Variants in DCAKD observed in about 807,000 individuals in gnomAD.
DCAKD encodes the protein dephospho-CoA kinase domain-containing protein.
In DCAKD, 15 loss-of-function variants were observed where a neutral mutation model predicts 18.7. The observed-to-expected ratio is 0.80, with a 90% CI of 0.54 to 1.24. The LOEUF is 1.24. DCAKD is among the 50% of genes most tolerant of loss of function. The probability of loss-of-function intolerance (pLI) is 0.00; values close to 1 mark genes in which losing one functional copy is unlikely to be tolerated. For missense variants in DCAKD, 301 were observed against 322.0 expected (o/e 0.93, Z 0.50); for synonymous variants, 130 against 133.0 (o/e 0.98, Z 0.16).
Position 45,042,848 on chromosome 17 carries a change from T to C in DCAKD, c.-114-7849A>G, listed in dbSNP as rs568824345. Among the ~76,000 whole-genome samples, 439 of 152,274 alleles carry C rather than the reference T, an allele frequency of 2.9e-3. 1 individual carries two copies. Among genetic ancestry groups the C allele is most frequent in the Middle Eastern group, 6.8e-3 (2 of 294 alleles). On this transcript the variant is annotated intron_variant, in intron 1 of 4. Coordinates refer to ENST00000651974, the MANE Select transcript of DCAKD (RefSeq NM_001288655.2). ...AGAGCCACAAGGAAAGGAGCTGGCG[T>C]CTGCCTCCCTCTGTGTCCTCCCTGC...
chr17:45,028,362 G>A (rs140777775), intron 4 of DCAKD, among the ~76,000 whole-genome samples: 2,350 of 151,182 alleles, frequency 0.016, 58 homozygotes, highest in South Asian at 0.071. Context: ...CGCCCACCTC[G>A]GCCTCCCAAA....
At chr17:45,034,641 G>A in intron 2 of DCAKD, 133 bp downstream of exon 2, 1 of 1,044,582 alleles carries the variant, frequency 9.6e-7, no homozygotes, top group Non-Finnish European at 1.4e-6. Flanking sequence ...GCACGGGGCA[G>A]AGACAGAAGT....
intron 3 of DCAKD, among the ~76,000 whole-genome samples, chr17:45,033,326 T>C (rs962583878): frequency 6.6e-6 from 1 of 152,204 alleles, no homozygotes; most frequent in African/African-American, 2.4e-5. Flanking sequence ...TCTTGGTCCC[T>C]TCCCAATTTC....
At chr17:45,050,738 T>C (rs1389703425) in intron 1 of DCAKD, among the ~76,000 whole-genome samples, 1 of 151,642 alleles carries the variant, frequency 6.6e-6, no homozygotes. Flanking sequence ...TTCCATTTCC[T>C]CACCGTTAGA....
At chr17:45,057,408 G>A (rs139904788) in intron 1 of DCAKD, among the ~76,000 whole-genome samples, 44 of 151,700 alleles carry the variant, frequency 2.9e-4, no homozygotes, top group East Asian at 2.2e-3. Flanking sequence ...TTGTTTCAAA[G>A]TGGAAAGCTC....
intron 1 of DCAKD, 97 bp from the exon 2 acceptor site, chr17:45,035,096 G>T: frequency 1.8e-6 from 1 of 555,980 alleles, no homozygotes; most frequent in East Asian, 3.1e-5. Flanking sequence ...GGCTGGGGAG[G>T]GACATGTCCT....
chr17:45,049,102 G>A (rs909269748), intron 1 of DCAKD, among the ~76,000 whole-genome samples: 2 of 151,584 alleles, frequency 1.3e-5, no homozygotes, highest in Admixed American at 1.3e-4. Flanking sequence ...TATTACATTA[G>A]AAAAAACTTC....
intron 1 of DCAKD, among the ~76,000 whole-genome samples, chr17:45,045,433 C>T (rs1229843868): frequency 6.6e-6 from 1 of 152,132 alleles, no homozygotes; most frequent in Non-Finnish European, 1.5e-5. Flanking sequence ...CAAATAGGCC[C>T]TTAAAAGATA....
chr17:45,024,457 G>C lies in DCAKD; in HGVS notation c.672C>G (p.Thr224=). 6.2e-7 allele frequency: 1 copy of C among 1,610,554 alleles called. No homozygotes were observed. Among genetic ancestry groups the C allele is most frequent in the Non-Finnish European group, 8.5e-7 (1 of 1,177,070 alleles). Residue 224 remains threonine, a synonymous_variant, in exon 5 of 5, where the codon ACC becomes ACG. Transcript: ENST00000651974. The stretch of plus-strand genomic sequence containing the variant: ...ACTAGGCGTAAGGCAGAAGGTAGTG[G>C]GTGAGCAGGTAGAGGAGGCTGGCAA... ...AAIASLLYLL[T]HYLLPYA
At position 45,024,634 on chromosome 17, in the gene DCAKD, C is replaced by T. The variant is rs777109661; in HGVS notation, c.495G>A (p.Leu165=). ...AEARINAQLP[L]TDKARMARHV... The stretch of plus-strand genomic sequence containing the variant: ...GGCGGGCCATGCGGGCCTTGTCTGT[C>T]AGGGGCAGCTGGGCATTGATGCGGG... Residue 165 remains leucine (L), a synonymous_variant, in exon 5 of 5, where the codon CTG becomes CTA. Coordinates refer to ENST00000651974, the MANE Select transcript of DCAKD (RefSeq NM_001288655.2). The T allele has an allele frequency of 9.9e-6, 16 of 1,613,332 alleles. No homozygotes were observed. The highest frequency in any genetic ancestry group is 1.3e-5 in the Non-Finnish European group (15 of 1,179,482).
At chr17:45,037,086 G>A (rs964135595) in intron 1 of DCAKD, among the ~76,000 whole-genome samples, 4 of 152,112 alleles carry the variant, frequency 2.6e-5, no homozygotes, top group Non-Finnish European at 4.4e-5. Flanking sequence ...TTCTCACCCC[G>A]GAAAGCCAGA....
In DCAKD at chr17:45,034,930, TACAGAATC is replaced by T; in HGVS notation, c.-53_-46del. On this transcript the variant is annotated 5_prime_UTR_variant, in exon 2 of 5. Transcript: ENST00000651974. ...TCCGCGAGACTACGGAGCCAGGAGC[TACAGAATC>T]ACTGGAGAGCAGGGCAAGTGTGGCC... 6.2e-7 allele frequency: 1 copy of T among 1,601,702 alleles called. No homozygotes were observed. Among genetic ancestry groups the T allele is most frequent in the Non-Finnish European group, 8.5e-7 (1 of 1,171,098 alleles).
chr17:45,056,917 GCCA>G (rs2053786892), intron 1 of DCAKD, among the ~76,000 whole-genome samples: 1 of 151,870 alleles, frequency 6.6e-6, no homozygotes, highest in Non-Finnish European at 1.5e-5. Flanking sequence ...ACAGACGCCC[GCCA>G]CCACGTCTGG....
chr17:45,053,293 T>C (rs889134656), upstream of DCAKD, among the ~76,000 whole-genome samples: 4 of 149,360 alleles, frequency 2.7e-5, no homozygotes, highest in Admixed American at 2.0e-4. Flanking sequence ...AGTTTCGCTC[T>C]ATTGCCCAGG....
chr17:45,030,315 G>T, intron 3 of DCAKD, 136 bp from the exon 4 acceptor site: 1 of 735,894 alleles, frequency 1.4e-6, no homozygotes, highest in Non-Finnish European at 2.4e-6. Context: ...CTGCACACTG[G>T]CCGGTTCCAA....
At chr17:45,053,185 A>C (rs1040966459), upstream of DCAKD, among the ~76,000 whole-genome samples, 174 of 147,422 alleles carry the variant, frequency 1.2e-3, 2 homozygotes, top group Admixed American at 3.2e-3. Flanking sequence ...AAAAAAAAAA[A>C]AAAAAAAAAA....
intron 4 of DCAKD, among the ~76,000 whole-genome samples, chr17:45,026,274 C>T (rs2053055059): frequency 1.4e-5 from 2 of 140,316 alleles, no homozygotes; most frequent in South Asian, 4.5e-4. Flanking sequence ...TTCACCTAGG[C>T]TGGAGCGCAG....
chr17:45,056,718 G>A (rs76262044), intron 1 of DCAKD, among the ~76,000 whole-genome samples: 1 of 151,914 alleles, frequency 6.6e-6, no homozygotes, highest in African/African-American at 2.4e-5. Context: ...CAGGTGATCC[G>A]CCTGCCTTGG....
At chr17:45,053,225 G>A (rs1222069599), upstream of DCAKD, among the ~76,000 whole-genome samples, 1 of 136,688 alleles carries the variant, frequency 7.3e-6, no homozygotes, top group Non-Finnish European at 1.5e-5. Flanking sequence ...CTCACATATA[G>A]CAGGAAGTTG....
Sources: gnomAD v4.1 joint callset for allele counts (sites outside exome capture counted in the v4.1 genomes callset) on GRCh38, gnomAD v4.1.1 for gene constraint, MANE v1.5 for transcripts, NCBI Gene and HGNC (gene_info 2026-07-23, HGNC 2026-07-21) for gene names.